LAMA1: variants seen among roughly 807,000 people sequenced by gnomAD.
LAMA1 encodes the protein laminin subunit alpha 1.
LAMA1 carries 219 observed loss-of-function variants against 348.7 expected under a neutral mutation model. The observed-to-expected ratio is 0.63, with a 90% confidence interval of 0.56 to 0.70. The LOEUF is 0.70. Among genes scored for constraint, LAMA1 ranks in the 30% least tolerant of loss-of-function variants. The pLI is 0.00. For missense variants in LAMA1, 3,744 were observed against 3,888.0 expected (o/e 0.96, Z 0.99); for synonymous variants, 1,487 against 1,491.0 (o/e 1.00, Z 0.06).
rs2057734584 is a variant in LAMA1 at position 6,986,206 on chromosome 18, T to C, written c.5310A>G (p.Glu1770=). Residue 1770 remains glutamate, a synonymous_variant, in exon 37 of 63, where the codon GAA becomes GAG. Coordinates refer to ENST00000389658, the MANE Select transcript of LAMA1 (RefSeq NM_005559.4). ...ELKAAEALVR[E]AEAKMQESNH... ...TGCTTTCCTGCATCTTTGCCTCAGC[T>C]TCCCTCACGAGCGCCTCAGCCGCCT... The C allele has an allele frequency of 1.2e-6, 2 of 1,614,114 alleles. No individual in the cohort carries two copies. Among genetic ancestry groups the C allele is most frequent in the African/African-American group, 2.7e-5 (2 of 74,932 alleles).
Position 7,040,166 on chromosome 18 carries a change from G to A in LAMA1, c.1332C>T (p.Gly444=). Residue 444 remains glycine, a synonymous_variant, in exon 10 of 63, where the codon GGC becomes GGT. Transcript: ENST00000389658. The part of the protein sequence containing the change: ...TGEKCDRCQL[G]YKDYPTCVSC... ...AGACACAGGTCGGGTAATCCTTATA[G>A]CCAAGTTGGCAGCGATCACATTTTT... is the stretch of plus-strand genomic sequence containing the variant. 6.2e-7 allele frequency: 1 copy of A among 1,614,066 alleles called. No individual in the cohort carries two copies. The highest frequency in any genetic ancestry group is 8.5e-7 in the Non-Finnish European group (1 of 1,180,016).
chr18:6,956,914 G>A (rs909445622), intron 55 of LAMA1, 149 bp from the exon 56 acceptor site: 71 of 812,796 alleles, frequency 8.7e-5, no homozygotes, highest in Non-Finnish European at 1.2e-4. Flanking sequence ...CCTTCACTGT[G>A]ACTCAGAGTC....
intron 1 of LAMA1, among the ~76,000 whole-genome samples, chr18:7,084,336 A>C (rs1335472100): frequency 6.6e-6 from 1 of 152,138 alleles, no homozygotes; most frequent in Non-Finnish European, 1.5e-5. Flanking sequence ...GAGAAGGAGC[A>C]TTAGGATCAG....
chr18:7,044,157 C>A (rs1401952900), intron 7 of LAMA1, among the ~76,000 whole-genome samples: 1 of 101,126 alleles, frequency 9.9e-6, no homozygotes, highest in Non-Finnish European at 1.8e-5. Context: ...AGTGAGACTC[C>A]ATCTCAAAAA....
chr18:7,078,688 T>A (rs2058180815), intron 3 of LAMA1, among the ~76,000 whole-genome samples: 2 of 152,098 alleles, frequency 1.3e-5, no homozygotes, highest in African/African-American at 2.4e-5. Context: ...CACCTTGTCT[T>A]CTTAAAATCC....
intron 29 of LAMA1, among the ~76,000 whole-genome samples, chr18:7,003,962 CTT>C (rs1264545607): frequency 6.6e-6 from 1 of 152,166 alleles, no homozygotes; most frequent in East Asian, 1.9e-4. Context: ...TAATCTCTCT[CTT>C]GAAAAGTAAA....
rs1308790264 is a variant in LAMA1 at position 7,011,903 on chromosome 18, T to G, written c.3507+92A>C. 3.4e-6 allele frequency: 5 copies of G among 1,475,818 alleles called. No homozygotes were observed. The East Asian group carries it at 1.2e-4, about 37-fold the overall frequency. 91.4% of individuals were successfully genotyped at this position (1,475,818 alleles called of 1,614,324 possible). A position where few individuals can be genotyped will look rare whatever the true frequency, so the allele number is the denominator to read the frequency against. On this transcript the variant is annotated intron_variant, in intron 24 of 62. Coordinates refer to ENST00000389658, the MANE Select transcript of LAMA1 (RefSeq NM_005559.4). ...ATTTTGGATGCCATAAGAGCAAAAT[T>G]TAATGTGAACACTTGGCTGTGTTTC...
chr18:6,999,837 T>G, intron 31 of LAMA1, 74 bp downstream of exon 31: 1 of 1,379,968 alleles, frequency 7.2e-7, no homozygotes, highest in African/African-American at 1.4e-5. Flanking sequence ...CAGATTACTA[T>G]AGTAAATATG....
At position 7,040,223 on chromosome 18, in the gene LAMA1, A is replaced by C. The variant is rs762532521; in HGVS notation, c.1275T>G (p.Gly425=). ...HSDLHNGKQP[G]QCPCKEGYTG... ...TATAACCTTCCTTACATGGGCACTGACCTGGCTGCTTCCCTAGAAAGACAA... is the reference window on the plus strand; with the variant it reads ...TATAACCTTCCTTACATGGGCACTGCCCTGGCTGCTTCCCTAGAAAGACAA... Residue 425 remains glycine (G), a synonymous_variant, in exon 10 of 63, where the codon GGT becomes GGG. Transcript: ENST00000389658. 2 of 1,614,064 alleles carry C rather than the reference A, an allele frequency of 1.2e-6. No individual in the cohort carries two copies. Among genetic ancestry groups the C allele is most frequent in the African/African-American group, 2.7e-5 (2 of 74,930 alleles).
chr18:6,998,339 A>G (rs1568024335), intron 32 of LAMA1, among the ~76,000 whole-genome samples: 2 of 152,308 alleles, frequency 1.3e-5, no homozygotes, highest in East Asian at 1.9e-4. Flanking sequence ...AAGCAAAGGC[A>G]AGGAAGTAAG....
rs1382364934 is a variant in LAMA1, at chr18:7,097,068, G to T, written c.62-16611C>A. 2.0e-5 allele frequency among the ~76,000 whole-genome samples: 3 copies of T among 152,146 alleles called. No individual in the cohort carries two copies. The East Asian group carries it at 5.8e-4, about 29-fold the overall frequency. Reference sequence around the variant, plus strand: ...CCTAATGATCTTATCAGCAAAAGTAGTGAACTTGGTAGAAAATGAATGGGG... The same window carrying T: ...CCTAATGATCTTATCAGCAAAAGTATTGAACTTGGTAGAAAATGAATGGGG... On this transcript the variant is annotated intron_variant, in intron 1 of 62. Coordinates refer to ENST00000389658, the MANE Select transcript of LAMA1 (RefSeq NM_005559.4).
intron 28 of LAMA1, among the ~76,000 whole-genome samples, chr18:7,007,726 G>A (rs2057839025): frequency 6.6e-6 from 1 of 151,830 alleles, no homozygotes; most frequent in African/African-American, 2.4e-5. Flanking sequence ...AGATGGGGAA[G>A]CCACCCAAGT....
chr18:7,085,480 A>G (rs541748664), intron 1 of LAMA1, among the ~76,000 whole-genome samples: 38 of 132,876 alleles, frequency 2.9e-4, no homozygotes, highest in Non-Finnish European at 4.9e-4. Context: ...GTGCAGTGGC[A>G]CGATCTCCGC....
At chr18:6,956,848 T>G (rs1235683504) in intron 55 of LAMA1, 83 bp from the exon 56 acceptor site, 1 of 1,456,058 alleles carries the variant, frequency 6.9e-7, no homozygotes, top group African/African-American at 1.4e-5. Context: ...AACTGTACAA[T>G]GAAAATCAAT....
chr18:7,089,121 G>A (rs2058229355), intron 1 of LAMA1, among the ~76,000 whole-genome samples: 1 of 152,130 alleles, frequency 6.6e-6, no homozygotes, highest in Admixed American at 6.5e-5. Flanking sequence ...GCTCATGCCT[G>A]TAATCTCAGC....
chr18:7,080,612 C>T (rs2058189597), intron 1 of LAMA1, among the ~76,000 whole-genome samples, 155 bp from the exon 2 acceptor site: 2 of 152,180 alleles, frequency 1.3e-5, no homozygotes, highest in Non-Finnish European at 2.9e-5. Flanking sequence ...AGCATGGTTT[C>T]ATCTATATGA....
rs764802283 is a variant in LAMA1 at position 6,980,586 on chromosome 18, T to C, written c.5942A>G (p.Glu1981Gly). ...TTGCCTGGTAATTTCAACAGCATTCTCTTGAAATCTGTTTGTCTTATTTCT... is the reference window on the plus strand; with the variant it reads ...TTGCCTGGTAATTTCAACAGCATTCCCTTGAAATCTGTTTGTCTTATTTCT... ...ELRNKTNRFQ[E>G]NAVEITRQTN... The change falls in exon 42 of 63, where the codon GAG (glutamate) becomes GGG (glycine). Residue 1981 changes from glutamate to glycine, a missense_variant. By Grantham distance (98) the Glu-to-Gly change is moderately conservative. This residue lies in a region of LAMA1 where 1,983 missense variants were observed against 1,934.3 expected (regional missense o/e 1.03). Coordinates refer to ENST00000389658, the MANE Select transcript of LAMA1 (RefSeq NM_005559.4). 6.2e-7 allele frequency: 1 copy of C among 1,613,654 alleles called. No individual in the cohort carries two copies. Among genetic ancestry groups the C allele is most frequent in the Admixed American group, 1.7e-5 (1 of 60,032 alleles).
At chr18:7,106,130 G>T (rs2058310710) in intron 1 of LAMA1, among the ~76,000 whole-genome samples, 1 of 152,142 alleles carries the variant, frequency 6.6e-6, no homozygotes, top group African/African-American at 2.4e-5. Flanking sequence ...GAAATGAGGA[G>T]AGTCAGTTGG....
chr18:6,951,088 G>A (rs1335048906), intron 57 of LAMA1, 117 bp from the exon 58 acceptor site: 2 of 874,786 alleles, frequency 2.3e-6, no homozygotes, highest in South Asian at 1.4e-5. Flanking sequence ...CAGGAGAGAG[G>A]GGTATTCATT....
Sources: allele counts gnomAD v4.1 joint callset (sites outside exome capture counted in the v4.1 genomes callset), GRCh38; gene constraint gnomAD v4.1.1; regional missense constraint gnomAD v4.1.1; transcripts MANE v1.5; gene names NCBI Gene and HGNC (gene_info 2026-07-23, HGNC 2026-07-21).